The following COL6A5 variants were observed in gnomAD, a reference collection of about 807,000 sequenced individuals.
COL6A5 encodes collagen alpha-5(VI) chain.
A neutral mutation model predicts 65.6 loss-of-function variants in COL6A5; 48 were observed. That is an observed-to-expected ratio of 0.73 (90% CI 0.58 to 0.93). The LOEUF (loss-of-function observed/expected upper bound fraction) is 0.93. Ranked by LOEUF, COL6A5 falls within the 40% of genes least tolerant of loss-of-function variation. COL6A5 has a pLI of 0.00. For missense variants in COL6A5, 914 were observed against 928.3 expected (o/e 0.98, Z 0.20); for synonymous variants, 291 against 322.8 (o/e 0.90, Z 1.05).
At chr3:130,449,430 GA>G (rs1197066026) in intron 4 of COL6A5, among the ~76,000 whole-genome samples, 1 of 152,090 alleles carries the variant, frequency 6.6e-6, no homozygotes, top group Admixed American at 6.6e-5. Flanking sequence ...AGATTAATGG[GA>G]ATTGGCATGA....
intron 6 of COL6A5, among the ~76,000 whole-genome samples, chr3:130,470,606 T>C (rs1466458582): frequency 6.6e-6 from 1 of 151,720 alleles, no homozygotes; most frequent in Non-Finnish European, 1.5e-5. Flanking sequence ...GAGAAAGAAA[T>C]GATAGAAAGA....
At chr3:130,414,684 G>C (rs1290658836) in intron 22 of COL6A5, among the ~76,000 whole-genome samples, 1 of 152,072 alleles carries the variant, frequency 6.6e-6, no homozygotes, top group African/African-American at 2.4e-5. Flanking sequence ...GGAAGCTGTG[G>C]TCATTCTGGA....
At chr3:130,446,765 A>G (rs538737448) in intron 4 of COL6A5, among the ~76,000 whole-genome samples, 151 of 142,294 alleles carry the variant, frequency 1.1e-3, no homozygotes, top group African/African-American at 3.7e-3. Flanking sequence ...CAAGTATATC[A>G]TCTTCCCCAC....
At chr3:130,368,363 G>A (rs1935418156) in intron 1 of COL6A5, among the ~76,000 whole-genome samples, 1 of 152,152 alleles carries the variant, frequency 6.6e-6, no homozygotes, top group Non-Finnish European at 1.5e-5. Flanking sequence ...GATAAATGGG[G>A]CTTTTAATCA....
At chr3:130,431,725 A>G (rs1937819214) in exon 1 of COL6A5, 1 of 1,551,404 alleles carries the variant, frequency 6.4e-7, no homozygotes, top group Non-Finnish European at 8.7e-7. Context: ...ATATCAAGAC[A>G]CCACAGAGCC....
chr3:130,385,493 C>G, intron 5 of COL6A5, 129 bp downstream of exon 5: 5 of 951,492 alleles, frequency 5.3e-6, no homozygotes, highest in Non-Finnish European at 7.7e-6. Flanking sequence ...TCCTTTATTA[C>G]CATGGAGGGA....
At chr3:130,480,764 A>T (rs981642470) in intron 7 of COL6A5, among the ~76,000 whole-genome samples, 2 of 151,260 alleles carry the variant, frequency 1.3e-5, no homozygotes, top group Non-Finnish European at 2.9e-5. Flanking sequence ...AAAGACAACT[A>T]GGCTGGAACC....
intron 4 of COL6A5, among the ~76,000 whole-genome samples, chr3:130,448,224 T>TGTAA (rs2107710080): frequency 6.6e-6 from 1 of 151,868 alleles, no homozygotes; most frequent in Admixed American, 6.6e-5. Context: ...AGTAGGGGAG[T>TGTAA]GTAATGAAGC....
At chr3:130,454,523 T>C (rs1709520527) in intron 4 of COL6A5, among the ~76,000 whole-genome samples, 1 of 152,172 alleles carries the variant, frequency 6.6e-6, no homozygotes, top group African/African-American at 2.4e-5. Flanking sequence ...AACATCAGTA[T>C]CAAATGCAAA....
chr3:130,436,739 C>T (rs1338174263), intron 1 of COL6A5, among the ~76,000 whole-genome samples: 1 of 151,936 alleles, frequency 6.6e-6, no homozygotes, highest in Non-Finnish European at 1.5e-5. Context: ...TTTCTCTTAC[C>T]TCATTAATTG....
At chr3:130,423,725 A>T in intron 28 of COL6A5, 113 bp from the exon 29 acceptor site, 1 of 671,294 alleles carries the variant, frequency 1.5e-6, no homozygotes, top group South Asian at 2.5e-5. Flanking sequence ...TTCAATTAAT[A>T]GCTGCTATCT....
intron 6 of COL6A5, 43 bp downstream of exon 38, chr3:130,469,524 A>G: frequency 3.4e-6 from 5 of 1,490,984 alleles, no homozygotes; most frequent in Non-Finnish European, 4.6e-6. Context: ...AATAGATTTA[A>G]TGTTTCTGTG....
At chr3:130,453,054 G>A (rs1460776655) in intron 4 of COL6A5, among the ~76,000 whole-genome samples, 1 of 152,024 alleles carries the variant, frequency 6.6e-6, no homozygotes, top group Non-Finnish European at 1.5e-5. Flanking sequence ...TTTTCAAGGT[G>A]CCCAGATTTC....
chr3:130,365,363 C>T (rs1390144955), intron 1 of COL6A5, among the ~76,000 whole-genome samples: 1 of 152,108 alleles, frequency 6.6e-6, no homozygotes, highest in Non-Finnish European at 1.5e-5. Flanking sequence ...CTGCAAGCTC[C>T]GCCTCCCGGG....
At position 130,415,718 on chromosome 3, in the gene COL6A5, C is replaced by T. The variant is rs754482386; in HGVS notation, c.4824+11C>T. 38 of 1,543,894 alleles carry T rather than the reference C, an allele frequency of 2.5e-5. No homozygotes were observed. In the South Asian group the frequency reaches 4.2e-4, roughly 17 times the overall value. On this transcript the variant is annotated intron_variant and NMD_transcript_variant, in intron 23 of 41. Coordinates refer to the COL6A5 transcript ENST00000312481. Reference sequence around the variant, plus strand: ...CAGAAAGGACCTCAGGTGAGTGACTCGGAGACATTAGGCTCAATGACTCTC... The same window carrying T: ...CAGAAAGGACCTCAGGTGAGTGACTTGGAGACATTAGGCTCAATGACTCTC...
intron 7 of COL6A5, among the ~76,000 whole-genome samples, chr3:130,472,923 A>G (rs1709995410): frequency 6.8e-6 from 1 of 148,056 alleles, no homozygotes. Flanking sequence ...ATAAACATAT[A>G]TATAGTTTTA....
rs1471446127 is a variant in COL6A5 at position 130,423,857 on chromosome 3, G to A, written c.5120G>A (p.Gly1707Asp). 4 of 1,549,716 alleles carry A rather than the reference G, an allele frequency of 2.6e-6. No individual in the cohort carries two copies. The African/African-American group carries it at 4.1e-5, about 16-fold the overall frequency. The change falls in exon 29 of 42, where the codon GGT (glycine) becomes GAT (aspartate). Residue 1707 changes from glycine to aspartate, a missense_variant and NMD_transcript_variant. By Grantham distance (94) the Gly-to-Asp change is moderately conservative. Transcript: ENST00000312481. ...CTGCAGCTCACTGTAGGCTTGAAAG[G>A]TGAAGAGGGATCTCGAGGACTCCCA...
At chr3:130,400,410 T>G (rs1936776352) in intron 10 of COL6A5, among the ~76,000 whole-genome samples, 1 of 152,240 alleles carries the variant, frequency 6.6e-6, no homozygotes, top group Non-Finnish European at 1.5e-5. Flanking sequence ...GATTAATACA[T>G]AATAGGCTCC....
intron 6 of COL6A5, among the ~76,000 whole-genome samples, chr3:130,389,563 C>T (rs1936320160): frequency 6.6e-6 from 1 of 150,960 alleles, no homozygotes; most frequent in African/African-American, 2.4e-5. Flanking sequence ...TCCTAAGCAC[C>T]ACCCACCAAG....
Sources: allele counts gnomAD v4.1 joint callset (sites outside exome capture counted in the v4.1 genomes callset), GRCh38; gene constraint gnomAD v4.1.1; transcripts MANE v1.5; gene names NCBI Gene and HGNC (gene_info 2026-07-23, HGNC 2026-07-21).